The following ZGRF1 variants were observed in gnomAD, a reference collection of about 807,000 sequenced individuals.
The protein encoded by ZGRF1 is 5'-3' DNA helicase ZGRF1.
In ZGRF1, 196 loss-of-function variants were observed where a neutral mutation model predicts 203.5. The ratio of observed to expected loss-of-function variants is 0.96; its 90% confidence interval spans 0.86 to 1.08. The LOEUF (loss-of-function observed/expected upper bound fraction) is 1.08. ZGRF1 is among the 50% of genes least tolerant of loss of function. The probability of loss-of-function intolerance (pLI) is 0.00; values close to 1 mark genes in which losing one functional copy is unlikely to be tolerated. For synonymous variants in ZGRF1, 809 were observed against 841.3 expected, an observed-to-expected ratio of 0.96 and a Z score of 0.66; for missense variants, 2,326 against 2,416.3, an observed-to-expected ratio of 0.96 and a Z score of 0.78.
chr4:112,621,145 C>A (rs2149170790), intron 4 of ZGRF1, among the ~76,000 whole-genome samples: 1 of 152,228 alleles, frequency 6.6e-6, no homozygotes, highest in Non-Finnish European at 1.5e-5. Flanking sequence ...CCCTCCCAAG[C>A]AATTCACTTA....
chr4:112,542,170 C>T (rs893429202), intron 24 of ZGRF1, among the ~76,000 whole-genome samples: 8 of 151,976 alleles, frequency 5.3e-5, no homozygotes, highest in African/African-American at 1.2e-4. Flanking sequence ...GGTAAAACCC[C>T]GTCTCTACTA....
At chr4:112,615,378 C>G (rs1430507169) in intron 6 of ZGRF1, among the ~76,000 whole-genome samples, 1 of 152,062 alleles carries the variant, frequency 6.6e-6, no homozygotes, top group South Asian at 2.1e-4. Context: ...CAGGTCCCCA[C>G]CACCACACCC....
intron 4 of ZGRF1, among the ~76,000 whole-genome samples, chr4:112,621,678 GA>G (rs540016397): frequency 8.6e-4 from 130 of 150,780 alleles, no homozygotes; most frequent in African/African-American, 3.1e-3. Flanking sequence ...ATTATCAGCT[GA>G]ATTTGAAAAT....
rs1307738772 is a variant in ZGRF1 at position 112,587,874 on chromosome 4, T to TCAA, written c.3182_3183insTTG (p.Leu1061delinsPheTer). Reference sequence around the variant, plus strand: ...TAATAAGTGGAACCTGGGTTCTACTTAATAATGAAAGCCTTTGAAGGTTCT... The same window carrying TCAA: ...TAATAAGTGGAACCTGGGTTCTACTTCAAAATAATGAAAGCCTTTGAAGGTTCT... On this transcript the variant is annotated stop_gained and protein_altering_variant, in exon 12 of 28. Transcript: ENST00000505019. LOFTEE classifies it high-confidence loss of function. 1 of 1,549,854 alleles carries TCAA rather than the reference T, an allele frequency of 6.5e-7. No individual in the cohort carries two copies. The highest frequency in any genetic ancestry group is 2.0e-5 in the Admixed American group (1 of 50,628).
chr4:112,610,634 T>C (rs1484613912), intron 7 of ZGRF1: 4 of 152,360 alleles, frequency 2.6e-5, no homozygotes, highest in Admixed American at 1.3e-4. Flanking sequence ...AAGTTGTTCC[T>C]AGCCTTCCAA....
intron 6 of ZGRF1, among the ~76,000 whole-genome samples, chr4:112,615,797 CTAATTTTTTATATTTTTAGTA>C (rs1412459797): frequency 6.6e-6 from 1 of 151,678 alleles, no homozygotes; most frequent in African/African-American, 2.4e-5. Context: ...CAATGCTCAT[CTAATTTTTTATATTTTTAGTA>C]GAGACAGGGT....
intron 1 of ZGRF1, among the ~76,000 whole-genome samples, chr4:112,634,624 C>A (rs1322699701): frequency 6.6e-6 from 1 of 151,552 alleles, no homozygotes; most frequent in Non-Finnish European, 1.5e-5. Context: ...GCACTCCAGC[C>A]TGGGCGACAA....
chr4:112,595,770 T>C (rs1168221871), intron 10 of ZGRF1, among the ~76,000 whole-genome samples: 1 of 152,228 alleles, frequency 6.6e-6, no homozygotes, highest in African/African-American at 2.4e-5. Context: ...TTTTATGATA[T>C]ATGGTTTTCA....
chr4:112,628,094 C>CT (rs984764349), intron 3 of ZGRF1, among the ~76,000 whole-genome samples: 2 of 152,228 alleles, frequency 1.3e-5, no homozygotes, highest in Non-Finnish European at 2.9e-5. Flanking sequence ...CTAAATGTCT[C>CT]TACCTTGTAA....
chr4:112,543,413 C>T (rs1187255479), intron 24 of ZGRF1, among the ~76,000 whole-genome samples: 1 of 152,158 alleles, frequency 6.6e-6, no homozygotes, highest in African/African-American at 2.4e-5. Context: ...TTGTTTCTTT[C>T]AATATCCACT....
At chr4:112,569,956 A>G (rs1743907273) in intron 16 of ZGRF1, among the ~76,000 whole-genome samples, 2 of 152,210 alleles carry the variant, frequency 1.3e-5, no homozygotes, top group Non-Finnish European at 2.9e-5. Context: ...TCATCTCTAC[A>G]TGATGATGTA....
chr4:112,541,164 T>C lies in ZGRF1; in HGVS notation c.5703A>G (p.Thr1901=). Residue 1901 remains threonine (T), a synonymous_variant, in exon 25 of 28, where the codon ACA becomes ACG. Transcript: ENST00000505019. ...CCAATAAAGGGCTCCGCTCTATTTC[T>C]GTTACACCATTCATGAGGGCTCCTT... ...FYKGALMNGV[T]EIERSPLLEW... 1 of 1,612,272 alleles carries C rather than the reference T, an allele frequency of 6.2e-7. No individual in the cohort carries two copies. Among genetic ancestry groups the C allele is most frequent in the Non-Finnish European group, 8.5e-7 (1 of 1,179,084 alleles).
intron 4 of ZGRF1, among the ~76,000 whole-genome samples, chr4:112,621,576 C>T (rs1216755095): frequency 6.6e-6 from 1 of 150,844 alleles, no homozygotes; most frequent in Non-Finnish European, 1.5e-5. Flanking sequence ...TCACTTGAAC[C>T]CGGGAGGCAG....
intron 3 of ZGRF1, among the ~76,000 whole-genome samples, chr4:112,624,385 G>C (rs2047160913): frequency 6.6e-6 from 1 of 151,784 alleles, no homozygotes; most frequent in South Asian, 2.1e-4. Flanking sequence ...TTGAACCCAG[G>C]TGACAGGGTT....
At chr4:112,566,994 G>C (rs1743230909) in intron 16 of ZGRF1, among the ~76,000 whole-genome samples, 1 of 151,674 alleles carries the variant, frequency 6.6e-6, no homozygotes, top group Non-Finnish European at 1.5e-5. Flanking sequence ...GCCATAAAGT[G>C]TGGAGAAAAA....
intron 6 of ZGRF1, among the ~76,000 whole-genome samples, chr4:112,613,219 G>A (rs186778146): frequency 3.9e-5 from 6 of 152,240 alleles, no homozygotes; most frequent in Middle Eastern, 3.4e-3. Flanking sequence ...ACTTGAACTC[G>A]GGAGGTGGAG....
At chr4:112,621,032 T>C (rs1170521501) in intron 4 of ZGRF1, among the ~76,000 whole-genome samples, 1 of 152,042 alleles carries the variant, frequency 6.6e-6, no homozygotes, top group African/African-American at 2.4e-5. Context: ...ACAATGTCTC[T>C]AAAAACAAAA....
In ZGRF1 at chr4:112,622,336, T is replaced by C. The variant is rs1022884590; in HGVS notation, c.162+1481A>G. ...GAGTTCAAGACCAGCCTGGCCAACA[T>C]GGTGAAACCCCATCTCTACTAAAAA... On this transcript the variant is annotated intron_variant, in intron 4 of 27. Transcript: ENST00000505019. Among the ~76,000 whole-genome samples the C allele has an allele frequency of 5.3e-5, 8 of 151,722 alleles. No homozygotes were observed. In the East Asian group the frequency reaches 1.2e-3, roughly 23 times the overall value.
chr4:112,635,503 T>C (rs6845380), intron 1 of ZGRF1, among the ~76,000 whole-genome samples: 31,956 of 151,814 alleles, frequency 0.21, 4,052 homozygotes, highest in East Asian at 0.55. Context: ...TAGCTCGCTG[T>C]GGCCTCAAAC....
Sources: gnomAD v4.1 joint callset for allele counts (sites outside exome capture counted in the v4.1 genomes callset) on GRCh38, gnomAD v4.1.1 for gene constraint, MANE v1.5 for transcripts, NCBI Gene and HGNC (gene_info 2026-07-23, HGNC 2026-07-21) for gene names.